PLXNA4: variants seen among roughly 807,000 people sequenced by gnomAD.
The protein encoded by PLXNA4 is plexin A4, also known as plexin-A4.
In PLXNA4, 44 loss-of-function variants were observed where a neutral mutation model predicts 191.8. That is an observed-to-expected ratio of 0.23 (90% CI 0.18 to 0.29). The LOEUF is 0.29. PLXNA4 is among the 10% of genes least tolerant of loss of function. The probability of loss-of-function intolerance (pLI) is 1.00; values close to 1 mark genes in which losing one functional copy is unlikely to be tolerated. For synonymous variants in PLXNA4, 1,082 were observed against 1,009.5 expected (o/e 1.07, Z -1.36); for missense variants, 1,800 against 2,488.8 (o/e 0.72, Z 5.89).
intron 2 of PLXNA4, among the ~76,000 whole-genome samples, chr7:132,632,062 C>T (rs1029157851): frequency 2.0e-5 from 3 of 151,992 alleles, no homozygotes; most frequent in Non-Finnish European, 4.4e-5. Context: ...TGGTGAAACC[C>T]CCGTCTCTAC....
At chr7:132,228,806 G>T (rs1047467392) in intron 5 of PLXNA4, among the ~76,000 whole-genome samples, 2 of 152,100 alleles carry the variant, frequency 1.3e-5, no homozygotes, top group Admixed American at 1.3e-4. Flanking sequence ...CTCCTCCTTA[G>T]GCAACCAGAG....
intron 3 of PLXNA4, among the ~76,000 whole-genome samples, chr7:132,450,152 C>A (rs573722421): frequency 6.6e-6 from 1 of 152,210 alleles, no homozygotes; most frequent in Non-Finnish European, 1.5e-5. Context: ...CTTGCTCAGG[C>A]TCGCACAGAA....
intron 3 of PLXNA4, among the ~76,000 whole-genome samples, chr7:132,385,986 A>G (rs1168950838): frequency 2.0e-5 from 3 of 152,254 alleles, no homozygotes; most frequent in Non-Finnish European, 4.4e-5. Flanking sequence ...TGGTTATTCA[A>G]TATCAGCCCC....
intron 4 of PLXNA4, among the ~76,000 whole-genome samples, chr7:132,272,376 A>T (rs1020469999): frequency 2.0e-5 from 3 of 152,134 alleles, no homozygotes; most frequent in African/African-American, 7.2e-5. Flanking sequence ...AAAACAACTA[A>T]TTTTTTTAAG....
At chr7:132,575,147 T>G (rs1447637027) in intron 1 of PLXNA4, among the ~76,000 whole-genome samples, 1 of 152,212 alleles carries the variant, frequency 6.6e-6, no homozygotes, top group Non-Finnish European at 1.5e-5. Flanking sequence ...CTATGACAAC[T>G]GAGACCCTAA....
At chr7:132,309,433 C>T (rs1431575361) in intron 3 of PLXNA4, among the ~76,000 whole-genome samples, 3 of 152,046 alleles carry the variant, frequency 2.0e-5, no homozygotes, top group Admixed American at 6.6e-5. Flanking sequence ...GAACCAGGAC[C>T]GTCAGCTCCT....
At chr7:132,229,824 G>C (rs1415717788) in intron 5 of PLXNA4, among the ~76,000 whole-genome samples, 1 of 152,000 alleles carries the variant, frequency 6.6e-6, no homozygotes, top group East Asian at 1.9e-4. Flanking sequence ...GATGAGGGAA[G>C]GGGGTACCTG....
At chr7:132,252,580 C>T (rs189522487) in intron 4 of PLXNA4, among the ~76,000 whole-genome samples, 44 of 152,230 alleles carry the variant, frequency 2.9e-4, no homozygotes, top group Admixed American at 1.2e-3. Flanking sequence ...GGATTATAGG[C>T]GTGAGTCACC....
At chr7:132,219,467 T>G (rs773537313) in intron 9 of PLXNA4, among the ~76,000 whole-genome samples, 5 of 152,212 alleles carry the variant, frequency 3.3e-5, no homozygotes, top group Non-Finnish European at 5.9e-5. Flanking sequence ...CAGATCTCCA[T>G]AGATCTTCTT....
intron 3 of PLXNA4, among the ~76,000 whole-genome samples, chr7:132,429,879 T>A (rs1795194350): frequency 6.6e-6 from 1 of 152,180 alleles, no homozygotes; most frequent in Non-Finnish European, 1.5e-5. Context: ...CCTCAGGAAA[T>A]CATCCTACGA....
intron 4 of PLXNA4, among the ~76,000 whole-genome samples, chr7:132,242,725 A>G (rs1682891070): frequency 6.6e-6 from 1 of 151,880 alleles, no homozygotes; most frequent in Admixed American, 6.6e-5. Flanking sequence ...GCACATTTGG[A>G]ATTTTATCTT....
intron 3 of PLXNA4, among the ~76,000 whole-genome samples, chr7:132,328,049 G>A (rs1802441270): frequency 6.6e-6 from 1 of 152,184 alleles, no homozygotes; most frequent in Admixed American, 6.5e-5. Context: ...GATGGACAGA[G>A]CGCTGCCTTT....
intron 3 of PLXNA4, among the ~76,000 whole-genome samples, chr7:132,458,522 ATC>A (rs374806826): frequency 3.4e-4 from 51 of 151,924 alleles, no homozygotes; most frequent in African/African-American, 1.1e-3. Flanking sequence ...TGAGCTGGGT[ATC>A]TCTCTCACAA....
intron 1 of PLXNA4, among the ~76,000 whole-genome samples, chr7:132,522,738 C>T (rs1173119024): frequency 6.6e-6 from 1 of 152,212 alleles, no homozygotes; most frequent in African/African-American, 2.4e-5. Flanking sequence ...TGCCACTGCA[C>T]TCCAGCCTGG....
At chr7:132,218,474 A>G (rs895550238) in intron 9 of PLXNA4, among the ~76,000 whole-genome samples, 6 of 152,216 alleles carry the variant, frequency 3.9e-5, no homozygotes, top group Non-Finnish European at 8.8e-5. Flanking sequence ...ATACAGCTTC[A>G]GCAGCAGCTC....
Position 132,553,792 on chromosome 7 carries a change from A to G in PLXNA4, c.-87+22630T>C, listed in dbSNP as rs866487942. Among the ~76,000 whole-genome samples, 7 of 152,136 alleles carry G rather than the reference A, an allele frequency of 4.6e-5. No homozygotes were observed. In the South Asian group the frequency reaches 6.2e-4, roughly 14 times the overall value. On this transcript the variant is annotated intron_variant, in intron 1 of 31. Coordinates refer to ENST00000321063, the MANE Select transcript of PLXNA4 (RefSeq NM_020911.2). The stretch of plus-strand genomic sequence containing the variant: ...AGGGTCCCCACTGATCTACATGGCT[A>G]TTTGCTGAGAATTAGGGAGTGCTGT...
upstream of PLXNA4, among the ~76,000 whole-genome samples, chr7:132,578,755 G>T (rs540916014): frequency 6.6e-6 from 1 of 152,314 alleles, no homozygotes; most frequent in Non-Finnish European, 1.5e-5. Context: ...AGGAGACAGC[G>T]TGGAGCCCTT....
At chr7:132,232,395 A>C (rs1798554282) in intron 5 of PLXNA4, among the ~76,000 whole-genome samples, 1 of 152,106 alleles carries the variant, frequency 6.6e-6, no homozygotes, top group Admixed American at 6.5e-5. Context: ...TCTTCTCTGC[A>C]TGCCAGTGTC....
chr7:132,170,815 G>A (rs1338018774), intron 21 of PLXNA4, among the ~76,000 whole-genome samples: 1 of 152,270 alleles, frequency 6.6e-6, no homozygotes, highest in Non-Finnish European at 1.5e-5. Context: ...TAGGAAACGT[G>A]TGTGTTTCCA....
Sources: allele counts gnomAD v4.1 joint callset (sites outside exome capture counted in the v4.1 genomes callset), GRCh38; gene constraint gnomAD v4.1.1; transcripts MANE v1.5; gene names NCBI Gene and HGNC (gene_info 2026-07-23, HGNC 2026-07-21).